The following TIAM1 variants were observed in gnomAD, a reference collection of about 807,000 sequenced individuals.
The protein encoded by TIAM1 is TIAM Rac1 associated GEF 1, also known as rho guanine nucleotide exchange factor TIAM1.
TIAM1 carries 65 observed loss-of-function variants against 163.5 expected under a neutral mutation model. That is an observed-to-expected ratio of 0.40 (90% CI 0.33 to 0.49). The LOEUF is 0.49. TIAM1 is among the 20% of genes least tolerant of loss of function. The pLI is 0.77. For synonymous variants in TIAM1, 833 were observed against 810.1 expected (o/e 1.03, Z -0.48); for missense variants, 1,789 against 2,044.7 (o/e 0.87, Z 2.41).
chr21:31,427,209 G>C (rs553425430), intron 2 of TIAM1, among the ~76,000 whole-genome samples: 2 of 152,196 alleles, frequency 1.3e-5, no homozygotes, highest in Admixed American at 1.3e-4. Flanking sequence ...GTCATCGACC[G>C]GGCACAGTGG....
At chr21:31,385,238 T>C (rs2076845603) in intron 2 of TIAM1, among the ~76,000 whole-genome samples, 1 of 152,210 alleles carries the variant, frequency 6.6e-6, no homozygotes. Flanking sequence ...ATTTTTAGTA[T>C]TTTTAGTAGA....
intron 2 of TIAM1, among the ~76,000 whole-genome samples, chr21:31,363,702 G>A (rs183748655): frequency 6.6e-6 from 1 of 152,144 alleles, no homozygotes; most frequent in Non-Finnish European, 1.5e-5. Context: ...TCTCTTCTGT[G>A]AAACTGCTGA....
chr21:31,320,133 ATATAT>A (rs2075264517), intron 2 of TIAM1, among the ~76,000 whole-genome samples: 4 of 152,196 alleles, frequency 2.6e-5, no homozygotes, highest in Non-Finnish European at 5.9e-5. Context: ...AAAGATACAT[ATATAT>A]ATCATCAACC....
chr21:31,208,256 C>T (rs1217771802), intron 11 of TIAM1, among the ~76,000 whole-genome samples: 2 of 152,208 alleles, frequency 1.3e-5, no homozygotes, highest in African/African-American at 2.4e-5. Flanking sequence ...AAAACTTTGG[C>T]TTAACCTTCG....
intron 4 of TIAM1, 71 bp downstream of exon 4, chr21:31,265,939 A>C: frequency 4.5e-6 from 7 of 1,543,922 alleles, no homozygotes; most frequent in Non-Finnish European, 6.1e-6. Flanking sequence ...AAATCTTCTA[A>C]GAGCAAAGTC....
At chr21:31,506,248 ACT>A (rs772253374) in intron 1 of TIAM1, among the ~76,000 whole-genome samples, 1 of 119,794 alleles carries the variant, frequency 8.3e-6, no homozygotes, top group Non-Finnish European at 1.7e-5. Flanking sequence ...AAACTCACGC[ACT>A]CTCACACACG....
intron 2 of TIAM1, among the ~76,000 whole-genome samples, chr21:31,426,699 C>T (rs2043807489): frequency 6.6e-6 from 1 of 152,020 alleles, no homozygotes; most frequent in Non-Finnish European, 1.5e-5. Flanking sequence ...CGGTTTTTTT[C>T]AACTTTGGTT....
intron 1 of TIAM1, among the ~76,000 whole-genome samples, chr21:31,480,388 G>A (rs1443501193): frequency 6.6e-6 from 1 of 152,200 alleles, no homozygotes; most frequent in Non-Finnish European, 1.5e-5. Context: ...GGAATTAACT[G>A]TCTCTGTCCT....
rs200975779 is a variant in TIAM1 at position 31,154,310 on chromosome 21, C to T, written c.3108G>A (p.Ser1036=). The change falls in exon 17 of 28, where the codon TCG becomes TCA. Residue 1036 remains serine (S), a synonymous_variant. Coordinates refer to ENST00000541036, the MANE Select transcript of TIAM1 (RefSeq NM_001353694.2). Reference sequence around the variant, plus strand: ...TCACCTTGCGCAGCTTATCTGCATCCGAGAGTTGTCTCATGGTCGCCAGCT... The same window carrying T: ...TCACCTTGCGCAGCTTATCTGCATCTGAGAGTTGTCTCATGGTCGCCAGCT... The part of the protein sequence containing the change: ...GPQLATMRQL[S]DADKLRKVIC... 2.3e-5 allele frequency: 37 copies of T among 1,614,122 alleles called. 1 individual carries two copies. In the Middle Eastern group the frequency reaches 6.6e-4, roughly 29 times the overall value.
chr21:31,178,365 G>A (rs2084865261), intron 15 of TIAM1, among the ~76,000 whole-genome samples: 1 of 140,202 alleles, frequency 7.1e-6, no homozygotes, highest in African/African-American at 2.6e-5. Flanking sequence ...GGAGTGCAGT[G>A]GTGTGATCTC....
chr21:31,388,286 G>C (rs968690091), intron 2 of TIAM1, among the ~76,000 whole-genome samples: 3 of 146,584 alleles, frequency 2.0e-5, no homozygotes, highest in African/African-American at 7.7e-5. Context: ...CGGTGAATCT[G>C]ATAAAGAAGG....
At chr21:31,393,409 T>C (rs2077000638) in intron 2 of TIAM1, among the ~76,000 whole-genome samples, 1 of 152,166 alleles carries the variant, frequency 6.6e-6, no homozygotes, top group African/African-American at 2.4e-5. Context: ...GGCATTACTA[T>C]TCCATGAGCT....
At chr21:31,327,026 C>A (rs1391448931) in intron 2 of TIAM1, among the ~76,000 whole-genome samples, 1 of 152,150 alleles carries the variant, frequency 6.6e-6, no homozygotes, top group Non-Finnish European at 1.5e-5. Context: ...ATTTAACATG[C>A]GGCTCCAGTG....
chr21:31,557,272 T>C (rs73345677), intron 1 of TIAM1, among the ~76,000 whole-genome samples: 4,242 of 152,178 alleles, frequency 0.028, 203 homozygotes, highest in African/African-American at 0.097. Flanking sequence ...CCTTTTATAA[T>C]AAAAAGAAAT....
chr21:31,395,485 T>C lies in TIAM1; in HGVS notation c.-368-56063A>G, dbSNP rs1442286133. 1.3e-5 allele frequency among the ~76,000 whole-genome samples: 2 copies of C among 151,964 alleles called. No individual in the cohort carries two copies. The highest frequency in any genetic ancestry group is 2.9e-5 in the Non-Finnish European group (2 of 68,016). ...CAAGAGGGGCCCTCGGAGACCGAGG[T>C]CATCTAAACACAGCCAATCACCAGA... On this transcript the variant is annotated intron_variant, in intron 2 of 28. Transcript: ENST00000286827. The surrounding 1 kb of genome is among the most constrained non-coding windows in gnomAD (Gnocchi z 7.5).
At chr21:31,548,086 T>C (rs1202191863) in intron 1 of TIAM1, among the ~76,000 whole-genome samples, 6 of 150,736 alleles carry the variant, frequency 4.0e-5, no homozygotes, top group Non-Finnish European at 8.9e-5. Flanking sequence ...GATTCTTTCC[T>C]AAGACATTTC....
chr21:31,431,630 T>C (rs751605024), intron 2 of TIAM1, among the ~76,000 whole-genome samples: 5 of 152,210 alleles, frequency 3.3e-5, no homozygotes, highest in African/African-American at 4.8e-5. Context: ...TAACAACAGA[T>C]ACATGTTCTG....
At chr21:31,315,516 A>G (rs1191839881) in intron 2 of TIAM1, among the ~76,000 whole-genome samples, 1 of 148,260 alleles carries the variant, frequency 6.7e-6, no homozygotes, top group Admixed American at 6.7e-5. Flanking sequence ...CTCCCTCTCA[A>G]AAAAAAAAAG....
intron 2 of TIAM1, among the ~76,000 whole-genome samples, chr21:31,333,319 A>C (rs2075737298): frequency 6.6e-6 from 1 of 152,160 alleles, no homozygotes; most frequent in South Asian, 2.1e-4. Flanking sequence ...TCATTGGATT[A>C]CTTTGAAGAT....
Sources: gnomAD v4.1 joint callset for allele counts (sites outside exome capture counted in the v4.1 genomes callset) on GRCh38, gnomAD v4.1.1 for gene constraint, Gnocchi (gnomAD v3.1) non-coding constraint, MANE v1.5 for transcripts, NCBI Gene and HGNC (gene_info 2026-07-23, HGNC 2026-07-21) for gene names.